CLMN: variants seen among roughly 807,000 people sequenced by gnomAD.
The protein encoded by CLMN is calmin (calponin-like, transmembrane).
In CLMN, 57 loss-of-function variants were observed where a neutral mutation model predicts 92.7. The ratio of observed to expected loss-of-function variants is 0.61; its 90% confidence interval spans 0.50 to 0.77. The LOEUF (loss-of-function observed/expected upper bound fraction) is 0.77, where lower values mean the gene tolerates loss of function less well. Ranked by LOEUF, CLMN falls within the 30% of genes least tolerant of loss-of-function variation. The probability of loss-of-function intolerance (pLI) is 0.00; values close to 1 mark genes in which losing one functional copy is unlikely to be tolerated. For missense variants in CLMN, 1,158 were observed against 1,237.5 expected, an observed-to-expected ratio of 0.94 and a Z score of 0.96; for synonymous variants, 466 against 470.6, an observed-to-expected ratio of 0.99 and a Z score of 0.13.
intron 1 of CLMN, among the ~76,000 whole-genome samples, chr14:95,299,098 T>G (rs977507714): frequency 1.8e-4 from 27 of 152,138 alleles, no homozygotes; most frequent in African/African-American, 6.5e-4. Flanking sequence ...CCTCAGTGAT[T>G]GAACCAGACA....
At chr14:95,231,282 C>T (rs895327510) in intron 1 of CLMN, among the ~76,000 whole-genome samples, 33 of 151,614 alleles carry the variant, frequency 2.2e-4, no homozygotes, top group African/African-American at 8.0e-4. Context: ...CTACAAGCTC[C>T]GCCTCCCGGG....
intron 1 of CLMN, among the ~76,000 whole-genome samples, chr14:95,301,560 T>G (rs1901056643): frequency 6.6e-6 from 1 of 152,110 alleles, no homozygotes; most frequent in South Asian, 2.1e-4. Flanking sequence ...CAAGGGAAAA[T>G]GAATCCAAAA....
At chr14:95,222,639 AC>A in intron 3 of CLMN, 1 of 455,346 alleles carries the variant, frequency 2.2e-6, no homozygotes, top group Non-Finnish European at 4.4e-6. Flanking sequence ...GGGAGCATAA[AC>A]AAGGGACTAG....
intron 1 of CLMN, among the ~76,000 whole-genome samples, chr14:95,243,630 G>A (rs1030925367): frequency 2.1e-5 from 3 of 142,064 alleles, no homozygotes; most frequent in East Asian, 2.0e-4. Context: ...TTTTTTTTTC[G>A]GTAAAGTTTA....
chr14:95,242,512 G>C (rs2140657403), intron 1 of CLMN, among the ~76,000 whole-genome samples: 1 of 151,742 alleles, frequency 6.6e-6, no homozygotes, highest in Middle Eastern at 3.4e-3. Context: ...CACCTGCCTT[G>C]GCCTCCCAAA....
intron 1 of CLMN, among the ~76,000 whole-genome samples, chr14:95,273,869 G>C (rs78601644): frequency 6.6e-6 from 1 of 151,892 alleles, no homozygotes; most frequent in Non-Finnish European, 1.5e-5. Context: ...TAGATAAACC[G>C]ATCGTACATG....
At chr14:95,235,950 G>C (rs567534879) in intron 1 of CLMN, among the ~76,000 whole-genome samples, 35 of 152,250 alleles carry the variant, frequency 2.3e-4, no homozygotes, top group African/African-American at 8.2e-4. Context: ...CACAGCATGG[G>C]GGGCAAAAAG....
In CLMN at chr14:95,186,215, T is replaced by A. The variant is rs1896436472; in HGVS notation, c.*5349A>T. On this transcript the variant is annotated 3_prime_UTR_variant, in exon 13 of 13. Transcript: ENST00000298912. ...TAATTCCTGAGGTTTTCGAACAGTC[T>A]GTGACTTACAGAGATCAACAACACA... 6.6e-6 allele frequency: 1 copy of A among 152,284 alleles called. No individual in the cohort carries two copies. Among genetic ancestry groups the A allele is most frequent in the African/African-American group, 2.4e-5 (1 of 41,470 alleles). 9.4% of individuals were successfully genotyped at this position (152,284 alleles called of 1,614,324 possible). A position where few individuals can be genotyped will look rare whatever the true frequency, so the allele number is the denominator to read the frequency against.
chr14:95,214,045 G>A (rs1309655929), intron 5 of CLMN, among the ~76,000 whole-genome samples: 1 of 151,796 alleles, frequency 6.6e-6, no homozygotes, highest in African/African-American at 2.4e-5. Flanking sequence ...TTTCCTTACT[G>A]CACTCCCCCA....
chr14:95,263,982 C>A (rs1899363476), intron 1 of CLMN, among the ~76,000 whole-genome samples: 1 of 152,070 alleles, frequency 6.6e-6, no homozygotes, highest in Non-Finnish European at 1.5e-5. Flanking sequence ...TTCAACACAC[C>A]TACCTTATTA....
chr14:95,217,528 A>G (rs1347053029), intron 4 of CLMN, among the ~76,000 whole-genome samples: 1 of 152,226 alleles, frequency 6.6e-6, no homozygotes, highest in African/African-American at 2.4e-5. Flanking sequence ...TGAATAACAC[A>G]GTTGATCGGA....
intron 4 of CLMN, among the ~76,000 whole-genome samples, chr14:95,217,470 G>C (rs1897386710): frequency 6.6e-6 from 1 of 152,206 alleles, no homozygotes; most frequent in South Asian, 2.1e-4. Flanking sequence ...AGACAACACA[G>C]GCTCATCACT....
chr14:95,194,661 T>TC lies in CLMN; in HGVS notation c.2709-66dup. 6.7e-7 allele frequency: 1 copy of TC among 1,495,904 alleles called. No homozygotes were observed. The highest frequency in any genetic ancestry group is 9.3e-7 in the Non-Finnish European group (1 of 1,072,548). 92.7% of individuals were successfully genotyped at this position (1,495,904 alleles called of 1,614,324 possible). The stretch of plus-strand genomic sequence containing the variant: ...AGCTCTTCATGGCTCAGTTGTACGG[T>TC]CACCCCCATCCTGGGGTTTCCACGT... On this transcript the variant is annotated intron_variant, in intron 10 of 12. Coordinates refer to ENST00000298912, the MANE Select transcript of CLMN (RefSeq NM_024734.4). The surrounding 1 kb of genome is among the most constrained non-coding windows in gnomAD (Gnocchi z 4.0).
intron 1 of CLMN, among the ~76,000 whole-genome samples, chr14:95,254,556 C>T (rs540900217): frequency 5.3e-5 from 8 of 152,228 alleles, no homozygotes; most frequent in South Asian, 2.1e-4. Context: ...TGGCTCCCTG[C>T]GTGCGTTATG....
chr14:95,309,025 G>A (rs1451807049), intron 1 of CLMN, among the ~76,000 whole-genome samples: 1 of 152,190 alleles, frequency 6.6e-6, no homozygotes, highest in Non-Finnish European at 1.5e-5. Context: ...CGGGGGCCAT[G>A]AAGATTGTGG....
In CLMN at chr14:95,184,466, G is replaced by A. The variant is rs994424264; in HGVS notation, c.*7098C>T. On this transcript the variant is annotated 3_prime_UTR_variant, in exon 13 of 13. Transcript: ENST00000298912. Reference sequence around the variant, plus strand: ...GCATGTGTATATTTAAAAACAACTTGGTCAAACAGTACAAAATACTGGTTG... The same window carrying A: ...GCATGTGTATATTTAAAAACAACTTAGTCAAACAGTACAAAATACTGGTTG... 4.6e-5 allele frequency: 7 copies of A among 152,214 alleles called. No individual in the cohort carries two copies. Among genetic ancestry groups the A allele is most frequent in the African/African-American group, 1.4e-4 (6 of 41,450 alleles). The allele number at this position is 152,214 out of a possible 1,614,324, so 9.4% of individuals were successfully genotyped here.
intron 9 of CLMN, among the ~76,000 whole-genome samples, chr14:95,198,172 C>G (rs924853108): frequency 6.6e-6 from 1 of 150,386 alleles, no homozygotes; most frequent in Non-Finnish European, 1.5e-5. Context: ...GCCTCAGCCT[C>G]CGGAGTAGCT....
chr14:95,203,397 A>C lies in CLMN; in HGVS notation c.1952T>G (p.Val651Gly). The C allele has an allele frequency of 6.2e-7, 1 of 1,613,768 alleles. No homozygotes were observed. The highest frequency in any genetic ancestry group is 8.5e-7 in the Non-Finnish European group (1 of 1,179,946). Residue 651 changes from valine (V) to glycine (G), a missense_variant, in exon 9 of 13, where the codon GTG becomes GGG. By Grantham distance (109) the Val-to-Gly change is moderately radical. Transcript: ENST00000298912. ...TTCATGCACCTCTGGCTTTTTATCC[A>C]CTGGTGTCTCTTCTGGGGCTGAAGG... ...GCPSAPEETP[V>G]DKKPEVHEKA...
At chr14:95,235,419 G>A (rs1394841931) in intron 1 of CLMN, among the ~76,000 whole-genome samples, 1 of 152,194 alleles carries the variant, frequency 6.6e-6, no homozygotes, top group Non-Finnish European at 1.5e-5. Flanking sequence ...TTTGGGTGGG[G>A]TAGAGAATGA....
Sources: allele counts gnomAD v4.1 joint callset (sites outside exome capture counted in the v4.1 genomes callset), GRCh38; gene constraint gnomAD v4.1.1; non-coding constraint Gnocchi (gnomAD v3.1); transcripts MANE v1.5; gene names NCBI Gene and HGNC (gene_info 2026-07-23, HGNC 2026-07-21).